PAPPA: variants seen among roughly 807,000 people sequenced by gnomAD.
PAPPA encodes pappalysin 1.
In PAPPA, 60 loss-of-function variants were observed where a neutral mutation model predicts 164.0. That is an observed-to-expected ratio of 0.37 (90% CI 0.30 to 0.45). PAPPA has a LOEUF of 0.45. Among genes scored for constraint, PAPPA ranks in the 20% least tolerant of loss-of-function variants. PAPPA has a pLI of 1.00. For synonymous variants in PAPPA, 875 were observed against 814.1 expected (o/e 1.07, Z -1.27); for missense variants, 1,782 against 2,087.3 (o/e 0.85, Z 2.85).
chr9:116,159,884 A>G (rs2118973478), intron 1 of PAPPA, among the ~76,000 whole-genome samples: 1 of 152,306 alleles, frequency 6.6e-6, no homozygotes, highest in South Asian at 2.1e-4. Context: ...AAAGTTGAGG[A>G]CCAGGGTCAC....
chr9:116,349,392 A>G (rs914918425), intron 15 of PAPPA, among the ~76,000 whole-genome samples: 1 of 152,206 alleles, frequency 6.6e-6, no homozygotes, highest in East Asian at 1.9e-4. Flanking sequence ...CCGAGGACCT[A>G]CTATTCGCTC....
rs199666128 is a variant in PAPPA at position 116,213,668 on chromosome 9, C to CT, written c.1918+1745dup. ...GCTACCAGACCCCCATAAACTAAAT[C>CT]TTTTTTTTTCCCCTTTGTACAGATC... On this transcript the variant is annotated intron_variant, in intron 4 of 21. Coordinates refer to ENST00000328252, the MANE Select transcript of PAPPA (RefSeq NM_002581.5). 5.9e-4 allele frequency among the ~76,000 whole-genome samples: 90 copies of CT among 151,548 alleles called. No homozygotes were observed. The Middle Eastern group carries it at 0.014, about 23-fold the overall frequency.
chr9:116,274,278 C>T (rs376098169), intron 9 of PAPPA, among the ~76,000 whole-genome samples: 19 of 152,218 alleles, frequency 1.2e-4, no homozygotes, highest in African/African-American at 3.6e-4. Context: ...CCTTCAGCTA[C>T]GCCCTTCACT....
At chr9:116,170,033 G>A (rs1430783446) in intron 1 of PAPPA, among the ~76,000 whole-genome samples, 4 of 151,976 alleles carry the variant, frequency 2.6e-5, no homozygotes, top group Non-Finnish European at 5.9e-5. Context: ...TTTGCACTTG[G>A]GTTCAGAAGT....
At chr9:116,219,662 G>A (rs1844418090) in intron 4 of PAPPA, among the ~76,000 whole-genome samples, 1 of 152,136 alleles carries the variant, frequency 6.6e-6, no homozygotes, top group Non-Finnish European at 1.5e-5. Context: ...CCTTTGCCGT[G>A]ACCTCTGGGC....
chr9:116,323,230 G>A (rs955965397), intron 10 of PAPPA, among the ~76,000 whole-genome samples: 13 of 152,160 alleles, frequency 8.5e-5, no homozygotes, highest in African/African-American at 2.7e-4. Context: ...ATTTGGAGGC[G>A]GGTGCTGGAT....
At position 116,396,634 on chromosome 9, in the gene PAPPA, T is replaced by C. The variant is rs553483979; in HGVS notation, c.*18T>C. 5 of 779,082 alleles carry C rather than the reference T, an allele frequency of 6.4e-6. No individual in the cohort carries two copies. The South Asian group carries it at 6.7e-5, about 10-fold the overall frequency. 48.3% of individuals were successfully genotyped at this position (779,082 alleles called of 1,614,324 possible). ...ATGGCTAAGGAAGGACAAGAAGTTG[T>C]CAAAGAATTCCCAACGCCAGGACCC... On this transcript the variant is annotated 3_prime_UTR_variant, in exon 22 of 22. Transcript: ENST00000328252.
At chr9:116,350,000 T>C (rs894662184) in intron 15 of PAPPA, among the ~76,000 whole-genome samples, 2 of 152,158 alleles carry the variant, frequency 1.3e-5, no homozygotes, top group Non-Finnish European at 2.9e-5. Context: ...TAGAGCTCAG[T>C]CCCTCTGGGA....
intron 1 of PAPPA, among the ~76,000 whole-genome samples, chr9:116,173,551 C>A (rs550408772): frequency 6.6e-6 from 1 of 152,342 alleles, no homozygotes; most frequent in African/African-American, 2.4e-5. Context: ...ATGTCATTCA[C>A]AACCCTTTGT....
intron 10 of PAPPA, among the ~76,000 whole-genome samples, chr9:116,322,410 CAAAAAAAAAAA>C (rs34749732): frequency 3.5e-5 from 2 of 56,356 alleles, no homozygotes; most frequent in Admixed American, 2.0e-4. Flanking sequence ...GACTTAGTCT[CAAAAAAAAAAA>C]AAAAAAAAAA....
chr9:116,220,157 C>CCT (rs148657736), intron 5 of PAPPA, 28 bp downstream of exon 5: 43 of 1,518,408 alleles, frequency 2.8e-5, no homozygotes, highest in South Asian at 7.0e-5. Context: ...AGTGTTGATC[C>CCT]CTCTCTCTCT....
intron 18 of PAPPA, 100 bp from the exon 19 acceptor site, chr9:116,367,545 C>A (rs1846517075): frequency 2.4e-6 from 2 of 822,662 alleles, no homozygotes; most frequent in South Asian, 1.5e-5. Context: ...GCTGAGTCCA[C>A]CAGGGACCAG....
chr9:116,214,786 C>G (rs1032621227), intron 4 of PAPPA, among the ~76,000 whole-genome samples: 7 of 152,182 alleles, frequency 4.6e-5, no homozygotes, highest in African/African-American at 1.7e-4. Context: ...CAGGCTTTCT[C>G]TAGCCTACAG....
At chr9:116,289,139 T>TATAGC (rs1554748425) in intron 9 of PAPPA, among the ~76,000 whole-genome samples, 1 of 41,588 alleles carries the variant, frequency 2.4e-5, no homozygotes, top group Non-Finnish European at 4.7e-5. Flanking sequence ...TATATATATA[T>TATAGC]ATATATATAT....
chr9:116,225,853 C>T (rs955674055), intron 5 of PAPPA, among the ~76,000 whole-genome samples: 4 of 151,212 alleles, frequency 2.6e-5, no homozygotes, highest in Non-Finnish European at 5.9e-5. Flanking sequence ...ATCCATCTAT[C>T]CATCCATGCA....
At chr9:116,220,930 C>T (rs1382632690) in intron 5 of PAPPA, among the ~76,000 whole-genome samples, 1 of 149,626 alleles carries the variant, frequency 6.7e-6, no homozygotes, top group Admixed American at 6.7e-5. Context: ...GACATATAAA[C>T]ATAATTTTTG....
intron 6 of PAPPA, among the ~76,000 whole-genome samples, chr9:116,232,054 A>G (rs1844605416): frequency 1.3e-5 from 2 of 152,054 alleles, no homozygotes; most frequent in African/African-American, 2.4e-5. Flanking sequence ...GCACCTGGCC[A>G]ACAGTGGTTT....
chr9:116,243,871 G>A (rs1244934387), intron 7 of PAPPA, among the ~76,000 whole-genome samples: 6 of 152,002 alleles, frequency 3.9e-5, no homozygotes, highest in Non-Finnish European at 5.9e-5. Context: ...CTTCTCCCAC[G>A]CCTGCCCAGC....
At chr9:116,290,457 A>C (rs1283310366) in intron 9 of PAPPA, among the ~76,000 whole-genome samples, 1 of 152,002 alleles carries the variant, frequency 6.6e-6, no homozygotes, top group African/African-American at 2.4e-5. Context: ...TCTTAGAGTG[A>C]CACAGCTAAA....
Sources: allele counts gnomAD v4.1 joint callset (sites outside exome capture counted in the v4.1 genomes callset), GRCh38; gene constraint gnomAD v4.1.1; transcripts MANE v1.5; gene names NCBI Gene and HGNC (gene_info 2026-07-23, HGNC 2026-07-21).